The following CASP8 variants were observed in gnomAD, a reference collection of about 807,000 sequenced individuals.
CASP8 encodes the protein caspase-8.
In CASP8, 24 loss-of-function variants were observed where a neutral mutation model predicts 46.3. The observed-to-expected ratio is 0.52, with a 90% CI of 0.38 to 0.73. The LOEUF is 0.73. Among genes scored for constraint, CASP8 ranks in the 30% least tolerant of loss-of-function variants. CASP8 has a pLI of 0.00. For missense variants in CASP8, 460 were observed against 559.0 expected (o/e 0.82, Z 1.79); for synonymous variants, 188 against 200.4 (o/e 0.94, Z 0.52).
chr2:201,269,582 G>A (rs748211754), intron 2 of CASP8: 2 of 1,613,186 alleles, frequency 1.2e-6, no homozygotes, highest in South Asian at 1.1e-5. Context: ...CTTTCTGGCG[G>A]AGGGTCGATC....
At chr2:201,269,259 A>G (rs976685073) in intron 2 of CASP8, among the ~76,000 whole-genome samples, 1 of 151,990 alleles carries the variant, frequency 6.6e-6, no homozygotes, top group African/African-American at 2.4e-5. Context: ...CATCTTAATG[A>G]GATTTTATCT....
In CASP8 at chr2:201,272,548, T is replaced by C. The variant is rs1305161675; in HGVS notation, c.412-90T>C. 22 of 1,459,506 alleles carry C rather than the reference T, an allele frequency of 1.5e-5. No individual in the cohort carries two copies. The highest frequency in any genetic ancestry group is 2.0e-5 in the Non-Finnish European group (21 of 1,050,964). 90.4% of individuals were successfully genotyped at this position (1,459,506 alleles called of 1,614,324 possible). ...TTGGGAAGCAAGGGCAGGTCCTTGG[T>C]TGGAGAAATTGGAAATTAAAAAAAA... On this transcript the variant is annotated intron_variant, in intron 3 of 8. Transcript: ENST00000673742. This position sits in a 1 kb window ranked among gnomAD's most constrained non-coding sequence, Gnocchi z 4.4.
At chr2:201,277,088 CAT>C in intron 7 of CASP8, 120 bp downstream of exon 7, 2 of 739,164 alleles carry the variant, frequency 2.7e-6, no homozygotes, top group Non-Finnish European at 4.7e-6. Flanking sequence ...TGGATTTAAA[CAT>C]ATTTCCCTGT....
chr2:201,283,679 G>A (rs1949318231), intron 7 of CASP8, among the ~76,000 whole-genome samples: 1 of 88,766 alleles, frequency 1.1e-5, no homozygotes, highest in Non-Finnish European at 2.7e-5. Flanking sequence ...GGACGGGGCG[G>A]ATGGCCGACC....
chr2:201,262,769 A>G (rs1947514686), intron 1 of CASP8, among the ~76,000 whole-genome samples: 2 of 152,194 alleles, frequency 1.3e-5, no homozygotes, highest in Middle Eastern at 3.4e-3. Flanking sequence ...TAGGTCCCAT[A>G]AAACAAGAAC....
rs571991898 is a variant in CASP8, at chr2:201,272,941, T to C, written c.594T>C (p.Asn198=). The C allele has an allele frequency of 9.0e-4, 1,460 of 1,613,472 alleles. 21 individuals are homozygous for C. The South Asian group carries it at 0.015, about 17-fold the overall frequency. The change falls in exon 5 of 9, where the codon AAT becomes AAC. Residue 198 remains asparagine, a splice_region_variant and synonymous_variant. Transcript: ENST00000673742. The surrounding 1 kb of genome is among the most constrained non-coding windows in gnomAD (Gnocchi z 4.4). The part of the protein sequence containing the change: ...SLEGSPDEFS[N]GEELCGVMTI... Reference sequence around the variant, plus strand: ...AAGGAAGTCCTGATGAATTTTCAAATGGTAATGCTTGGAGATACATTTTCA... The same window carrying C: ...AAGGAAGTCCTGATGAATTTTCAAACGGTAATGCTTGGAGATACATTTTCA...
rs34341476 is a variant in CASP8 at position 201,253,293 on chromosome 2, CT to C, written c.-26-13138del. 1.5e-3 allele frequency among the ~76,000 whole-genome samples: 105 copies of C among 67,948 alleles called. 3 individuals carry two copies. The highest frequency in any genetic ancestry group is 3.9e-3 in the African/African-American group (71 of 18,022). The allele number at this position is 67,948 out of a possible 152,430, so 44.6% of individuals were successfully genotyped here. A position where few individuals can be genotyped will look rare whatever the true frequency, so the allele number is the denominator to read the frequency against. On this transcript the variant is annotated intron_variant, in intron 2 of 6. Transcript: ENST00000264274. The stretch of plus-strand genomic sequence containing the variant: ...TGTGAGCCACTGCACCTAGCCTGAT[CT>C]TTTTTTTTTTTTTTTTTTTTTTTTT...
chr2:201,275,017 T>C, intron 6 of CASP8, 64 bp downstream of exon 6: 2 of 162,900 alleles, frequency 1.2e-5, no homozygotes, highest in Non-Finnish European at 2.0e-5. Flanking sequence ...ATTTGTTAGC[T>C]TTTTTTTTTT....
intron 2 of CASP8, among the ~76,000 whole-genome samples, chr2:201,254,782 G>C (rs532329556): frequency 6.6e-6 from 1 of 152,180 alleles, no homozygotes; most frequent in African/African-American, 2.4e-5. Context: ...CAGGCCTCCA[G>C]GTGGGAGCTG....
chr2:201,273,293 A>G (rs940673625), intron 5 of CASP8, among the ~76,000 whole-genome samples: 1 of 152,184 alleles, frequency 6.6e-6, no homozygotes, highest in African/African-American at 2.4e-5. Flanking sequence ...TCCTGACCTC[A>G]GGTGGTCTGC....
chr2:201,269,788 A>G (rs955829118), intron 2 of CASP8, among the ~76,000 whole-genome samples: 2 of 152,232 alleles, frequency 1.3e-5, no homozygotes, highest in African/African-American at 2.4e-5. Context: ...ATTGCTACCT[A>G]TAAAATAAAG....
intron 2 of CASP8, among the ~76,000 whole-genome samples, chr2:201,244,167 C>T (rs1212007372): frequency 1.3e-5 from 2 of 152,232 alleles, no homozygotes; most frequent in African/African-American, 4.8e-5. Flanking sequence ...GGATCAAGAT[C>T]ACTTCCAGCA....
At chr2:201,282,956 C>T (rs1949205239) in intron 7 of CASP8, among the ~76,000 whole-genome samples, 2 of 74,500 alleles carry the variant, frequency 2.7e-5, no homozygotes, top group Admixed American at 1.0e-4. Flanking sequence ...CTGATCCCCC[C>T]ACCTCCCTCC....
At chr2:201,280,608 CA>C (rs1465636347) in intron 7 of CASP8, among the ~76,000 whole-genome samples, 3 of 152,114 alleles carry the variant, frequency 2.0e-5, no homozygotes, top group African/African-American at 7.2e-5. Flanking sequence ...TACAGGGGCT[CA>C]AAAAATGTAC....
intron 2 of CASP8, among the ~76,000 whole-genome samples, chr2:201,237,574 A>T (rs1946111685): frequency 6.6e-6 from 1 of 152,230 alleles, no homozygotes; most frequent in African/African-American, 2.4e-5. Flanking sequence ...TAAAATTTGT[A>T]TCGAAACCTT....
chr2:201,286,205 C>A (rs1315046059), intron 8 of CASP8, among the ~76,000 whole-genome samples: 1 of 152,178 alleles, frequency 6.6e-6, no homozygotes, highest in Non-Finnish European at 1.5e-5. Flanking sequence ...GAGAAAGAAA[C>A]CAACTCTAAT....
chr2:201,248,338 C>T (rs1946628636), intron 2 of CASP8, among the ~76,000 whole-genome samples: 1 of 152,062 alleles, frequency 6.6e-6, no homozygotes, highest in Non-Finnish European at 1.5e-5. Context: ...GATGAGCATC[C>T]ACCTTGTGTA....
chr2:201,242,651 A>G (rs1265558959), intron 2 of CASP8: 1 of 152,202 alleles, frequency 6.6e-6, no homozygotes, highest in Admixed American at 6.5e-5. Context: ...TGTGATCTCT[A>G]TTAACATCCC....
chr2:201,234,434 T>G (rs1040779878), intron 2 of CASP8, among the ~76,000 whole-genome samples: 1 of 152,106 alleles, frequency 6.6e-6, no homozygotes, highest in African/African-American at 2.4e-5. Flanking sequence ...ATGGCTCACA[T>G]AGTGAAAAGT....
Sources: allele counts gnomAD v4.1 joint callset (sites outside exome capture counted in the v4.1 genomes callset), GRCh38; gene constraint gnomAD v4.1.1; non-coding constraint Gnocchi (gnomAD v3.1); transcripts MANE v1.5; gene names NCBI Gene and HGNC (gene_info 2026-07-23, HGNC 2026-07-21).